The following CNTN5 variants were observed in gnomAD, a reference collection of about 807,000 sequenced individuals.
CNTN5 encodes the protein contactin-5.
CNTN5 carries 77 observed loss-of-function variants against 129.1 expected under a neutral mutation model. That is an observed-to-expected ratio of 0.60 (90% CI 0.50 to 0.72). The LOEUF is 0.72. CNTN5 is among the 30% of genes least tolerant of loss of function. The pLI, the probability that CNTN5 is intolerant of heterozygous loss-of-function variation, is 0.00. For synonymous variants in CNTN5, 509 were observed against 465.6 expected, an observed-to-expected ratio of 1.09 and a Z score of -1.20; for missense variants, 1,478 against 1,328.8, an observed-to-expected ratio of 1.11 and a Z score of -1.75.
chr11:99,636,123 A>G (rs1951541712), intron 3 of CNTN5, among the ~76,000 whole-genome samples: 1 of 152,122 alleles, frequency 6.6e-6, no homozygotes, highest in Non-Finnish European at 1.5e-5. Flanking sequence ...CTGACCTAGG[A>G]AAATAGATAC....
intron 2 of CNTN5, among the ~76,000 whole-genome samples, chr11:99,428,606 G>GTA (rs1943238441): frequency 6.7e-6 from 1 of 148,488 alleles, no homozygotes; most frequent in Non-Finnish European, 1.5e-5. Flanking sequence ...TTTAATATAT[G>GTA]TATATATCTT....
chr11:99,589,704 T>A (rs1034714535), intron 3 of CNTN5, among the ~76,000 whole-genome samples: 5 of 152,154 alleles, frequency 3.3e-5, no homozygotes, highest in African/African-American at 9.7e-5. Context: ...ACATACACAT[T>A]TACATGTTAA....
At chr11:99,207,623 A>G (rs1465227432) in intron 1 of CNTN5, among the ~76,000 whole-genome samples, 2 of 152,178 alleles carry the variant, frequency 1.3e-5, no homozygotes, top group Admixed American at 6.6e-5. Flanking sequence ...CCAATAATAC[A>G]TTGCTATACT....
intron 6 of CNTN5, among the ~76,000 whole-genome samples, chr11:99,854,083 A>T (rs1947958543): frequency 6.6e-6 from 1 of 152,196 alleles, no homozygotes; most frequent in East Asian, 1.9e-4. Flanking sequence ...GTGTTAGCCT[A>T]TAGTGAGCAA....
At chr11:100,019,199 T>C (rs1940992009) in intron 9 of CNTN5, among the ~76,000 whole-genome samples, 1 of 151,942 alleles carries the variant, frequency 6.6e-6, no homozygotes, top group Non-Finnish European at 1.5e-5. Flanking sequence ...TTTAGTGCCA[T>C]AGCTAAGATA....
At chr11:99,298,862 T>C (rs74343748) in intron 1 of CNTN5, among the ~76,000 whole-genome samples, 3 of 151,674 alleles carry the variant, frequency 2.0e-5, no homozygotes, top group Non-Finnish European at 2.9e-5. Flanking sequence ...CCTAGGTAAC[T>C]TCCCCTCCAA....
chr11:99,247,714 T>C (rs1405077945), intron 1 of CNTN5, among the ~76,000 whole-genome samples: 1 of 152,052 alleles, frequency 6.6e-6, no homozygotes, highest in Non-Finnish European at 1.5e-5. Context: ...ATGTGGTGTT[T>C]GGTTTTTTGT....
At chr11:99,345,150 C>T (rs535932543) in intron 2 of CNTN5, among the ~76,000 whole-genome samples, 2 of 152,080 alleles carry the variant, frequency 1.3e-5, no homozygotes, top group East Asian at 3.9e-4. Flanking sequence ...AGCATATAAG[C>T]CATATGAATA....
intron 8 of CNTN5, among the ~76,000 whole-genome samples, chr11:99,987,920 G>C (rs1486123119): frequency 3.3e-5 from 5 of 152,116 alleles, no homozygotes; most frequent in African/African-American, 1.2e-4. Flanking sequence ...TTAAATGACA[G>C]TTTACTTATA....
rs755771035 is a variant in CNTN5 at position 99,845,252 on chromosome 11, G to A, written c.567G>A (p.Leu189=). The A allele has an allele frequency of 6.2e-7, 1 of 1,608,828 alleles. No homozygotes were observed. The highest frequency in any genetic ancestry group is 2.2e-5 in the East Asian group (1 of 44,752). Residue 189 remains leucine, a synonymous_variant, in exon 6 of 25, where the codon CTG becomes CTA. Transcript: ENST00000524871. The part of the protein sequence containing the change: ...VGSILSREAT[L]QFAYLGNFSG... The stretch of plus-strand genomic sequence containing the variant: ...GTATTCTTAGTAGAGAAGCTACACT[G>A]CAGTTTGCCTGTGAGTAAAATATAT...
chr11:100,077,695 T>C (rs1944189481), intron 13 of CNTN5, among the ~76,000 whole-genome samples: 1 of 151,646 alleles, frequency 6.6e-6, no homozygotes, highest in Admixed American at 6.6e-5. Context: ...CTTAAATAAA[T>C]AGTCAGGCAT....
chr11:99,595,380 T>G (rs550394221), intron 3 of CNTN5, among the ~76,000 whole-genome samples: 80 of 152,232 alleles, frequency 5.3e-4, no homozygotes, highest in Middle Eastern at 3.4e-3. Flanking sequence ...AGGGAAATAT[T>G]TTTATGTATT....
At chr11:99,531,457 T>C (rs1210044107) in intron 2 of CNTN5, among the ~76,000 whole-genome samples, 1 of 152,210 alleles carries the variant, frequency 6.6e-6, no homozygotes, top group Non-Finnish European at 1.5e-5. Flanking sequence ...GGAGAAATTC[T>C]AGTCAGCTGC....
chr11:100,058,373 C>T (rs1421255503), intron 9 of CNTN5, among the ~76,000 whole-genome samples: 1 of 151,754 alleles, frequency 6.6e-6, no homozygotes, highest in African/African-American at 2.4e-5. Flanking sequence ...GTTTACCAAG[C>T]AGTCACTCAC....
At chr11:99,170,885 T>C (rs1861116027) in intron 1 of CNTN5, among the ~76,000 whole-genome samples, 1 of 152,190 alleles carries the variant, frequency 6.6e-6, no homozygotes, top group Non-Finnish European at 1.5e-5. Context: ...ACCACAAAGC[T>C]AAGAAAGTAA....
chr11:99,092,284 A>G (rs1349885727), intron 1 of CNTN5, among the ~76,000 whole-genome samples: 1 of 152,120 alleles, frequency 6.6e-6, no homozygotes, highest in Non-Finnish European at 1.5e-5. Flanking sequence ...CATAGCTAAT[A>G]TAAGTATACC....
intron 21 of CNTN5, among the ~76,000 whole-genome samples, chr11:100,314,504 T>C (rs1366593064): frequency 6.6e-6 from 1 of 152,154 alleles, no homozygotes; most frequent in Admixed American, 6.5e-5. Flanking sequence ...CATGTTCCAC[T>C]TTGAAATTGA....
At chr11:99,703,401 C>G (rs1954612791) in intron 3 of CNTN5, among the ~76,000 whole-genome samples, 1 of 150,292 alleles carries the variant, frequency 6.7e-6, no homozygotes, top group African/African-American at 2.4e-5. Context: ...ATCTTTATAT[C>G]TTGATAATGT....
intron 3 of CNTN5, among the ~76,000 whole-genome samples, chr11:99,745,653 A>G (rs1459820291): frequency 6.6e-6 from 1 of 152,210 alleles, no homozygotes; most frequent in Non-Finnish European, 1.5e-5. Flanking sequence ...CAAAGGGGCC[A>G]GCAACATAAA....
Sources: gnomAD v4.1 joint callset for allele counts (sites outside exome capture counted in the v4.1 genomes callset) on GRCh38, gnomAD v4.1.1 for gene constraint, MANE v1.5 for transcripts, NCBI Gene and HGNC (gene_info 2026-07-23, HGNC 2026-07-21) for gene names.